Variants in TEX11 observed in about 807,000 individuals in gnomAD.
TEX11 encodes testis-expressed protein 11.
Under a neutral mutation model 84.4 loss-of-function variants are expected in TEX11, and 7 were observed. The observed-to-expected ratio is 0.08, with a 90% confidence interval of 0.05 to 0.16. TEX11 has a LOEUF of 0.16. TEX11 is among the 10% of genes least tolerant of loss of function. The pLI, the probability that TEX11 is intolerant of heterozygous loss-of-function variation, is 1.00. For synonymous variants in TEX11, 264 were observed against 222.8 expected (o/e 1.18, Z -1.64); for missense variants, 551 against 660.5 (o/e 0.83, Z 1.82).
At chrX:70,826,616 C>A (rs2091348117) in intron 8 of TEX11, among the ~76,000 whole-genome samples, 1 of 111,975 alleles carries the variant, frequency 8.9e-6, no homozygotes, top group African/African-American at 3.2e-5. Flanking sequence ...AAGAGCACAG[C>A]AGCTGGGGAA....
intron 13 of TEX11, among the ~76,000 whole-genome samples, chrX:70,695,698 G>A (rs1400702458): frequency 8.9e-6 from 1 of 111,734 alleles, no homozygotes; most frequent in Non-Finnish European, 1.9e-5. Flanking sequence ...AATTGCTAGA[G>A]GTGGGTGGGA....
At chrX:70,875,984 G>A (rs1202751669) in intron 3 of TEX11, among the ~76,000 whole-genome samples, 1 of 111,750 alleles carries the variant, frequency 8.9e-6, no homozygotes, top group African/African-American at 3.2e-5. Context: ...GAAGTGTACT[G>A]TTGTCAGCAA....
intron 10 of TEX11, among the ~76,000 whole-genome samples, chrX:70,743,790 C>G (rs1487081307): frequency 2.8e-5 from 3 of 107,661 alleles, no homozygotes; most frequent in Non-Finnish European, 5.8e-5. Context: ...GCACCAGAAT[C>G]GCTTGAACCT....
Position 70,542,120 on chromosome X carries a change from T to C in TEX11, c.2520+10006A>G, listed in dbSNP as rs375389071. On this transcript the variant is annotated intron_variant, in intron 28 of 29. Transcript: ENST00000374333. ...TTTGTGTCCCTTCAAAATTAGTATG[T>C]TAAAATCCTAACCTCCAAGGTGATG... Among the ~76,000 whole-genome samples the C allele has an allele frequency of 3.6e-5, 4 of 111,371 alleles. No homozygotes were observed. The East Asian group carries it at 1.1e-3, about 31-fold the overall frequency.
At chrX:70,820,840 G>A (rs933764359) in intron 8 of TEX11, among the ~76,000 whole-genome samples, 8 of 111,713 alleles carry the variant, frequency 7.2e-5, no homozygotes, top group African/African-American at 2.3e-4. Flanking sequence ...GCTTCAACAT[G>A]AGATTCTGAG....
chrX:70,553,265 G>C lies in TEX11; in HGVS notation c.2399+41C>G, dbSNP rs369831200. ...GGTTACTTTTGAGGCATTGACTATAGTTCTTTTGGCTAGCAAAAAGGCTGG... is the reference window on the plus strand; with the variant it reads ...GGTTACTTTTGAGGCATTGACTATACTTCTTTTGGCTAGCAAAAAGGCTGG... On this transcript the variant is annotated intron_variant, in intron 27 of 29. Transcript: ENST00000374333. 3 of 964,422 alleles carry C rather than the reference G, an allele frequency of 3.1e-6. No homozygotes were observed. In the African/African-American group the frequency reaches 5.8e-5, roughly 19 times the overall value. The allele number at this position is 964,422 out of a possible 1,213,427, so 79.5% of individuals were successfully genotyped here. A position where few individuals can be genotyped will look rare whatever the true frequency, so the allele number is the denominator to read the frequency against.
At chrX:70,855,453 C>G (rs2091530818) in intron 5 of TEX11, among the ~76,000 whole-genome samples, 1 of 109,736 alleles carries the variant, frequency 9.1e-6, no homozygotes, top group African/African-American at 3.3e-5. Flanking sequence ...GTAGCCCCAG[C>G]TCCTCAGGAG....
intron 13 of TEX11, among the ~76,000 whole-genome samples, chrX:70,713,498 C>T (rs2090461692): frequency 8.9e-6 from 1 of 112,006 alleles, no homozygotes; most frequent in Admixed American, 9.5e-5. Flanking sequence ...AGAGATTCAA[C>T]TTCTTCCTGG....
At chrX:70,868,072 C>T (rs1038902282) in intron 4 of TEX11, among the ~76,000 whole-genome samples, 2 of 111,594 alleles carry the variant, frequency 1.8e-5, no homozygotes, top group African/African-American at 6.5e-5. Context: ...AAGAAACTAT[C>T]GTCAGGGTGA....
intron 9 of TEX11, among the ~76,000 whole-genome samples, chrX:70,788,685 A>AACACACAC (rs753573687): frequency 0.021 from 1,485 of 69,401 alleles, 28 homozygotes; most frequent in African/African-American, 0.044. Context: ...TCTCTTGGGA[A>AACACACAC]ACACACACAC....
At chrX:70,689,619 A>G (rs1346522765) in intron 13 of TEX11, among the ~76,000 whole-genome samples, 1 of 112,032 alleles carries the variant, frequency 8.9e-6, no homozygotes, top group Non-Finnish European at 1.9e-5. Context: ...AAGCTAAAAC[A>G]ATCTGAACAA....
At chrX:70,730,798 C>T (rs111483909) in intron 11 of TEX11, among the ~76,000 whole-genome samples, 2,886 of 111,051 alleles carry the variant, frequency 0.026, 85 homozygotes, top group African/African-American at 0.09. Context: ...CTGCACCAAG[C>T]GGACCTAATA....
intron 25 of TEX11, among the ~76,000 whole-genome samples, chrX:70,591,271 A>G (rs1281073876): frequency 9.0e-6 from 1 of 111,165 alleles, no homozygotes; most frequent in Non-Finnish European, 1.9e-5. Flanking sequence ...TTACAGAGTC[A>G]ATACTGATAT....
intron 28 of TEX11, among the ~76,000 whole-genome samples, chrX:70,542,418 T>C (rs1415627566): frequency 9.0e-6 from 1 of 111,727 alleles, no homozygotes; most frequent in East Asian, 2.8e-4. Context: ...ATTTTTGTTA[T>C]AGCAGCCCGA....
At chrX:70,891,280 A>G (rs1196672579) in intron 2 of TEX11, among the ~76,000 whole-genome samples, 1 of 112,151 alleles carries the variant, frequency 8.9e-6, no homozygotes, top group Non-Finnish European at 1.9e-5. Flanking sequence ...GGGAGAAACC[A>G]GAGCAGACAA....
At chrX:70,542,306 T>C (rs1186778243) in intron 28 of TEX11, among the ~76,000 whole-genome samples, 2 of 111,247 alleles carry the variant, frequency 1.8e-5, no homozygotes, top group African/African-American at 3.3e-5. Context: ...AAGCAGACCC[T>C]CACTGGACAC....
chrX:70,870,971 G>T (rs944698123), intron 4 of TEX11, among the ~76,000 whole-genome samples: 1 of 111,827 alleles, frequency 8.9e-6, no homozygotes, highest in Non-Finnish European at 1.9e-5. Flanking sequence ...GGAGTGCAAT[G>T]GTGCGATCTC....
chrX:70,682,452 G>C (rs2090154991), intron 14 of TEX11, among the ~76,000 whole-genome samples: 1 of 111,499 alleles, frequency 9.0e-6, no homozygotes, highest in South Asian at 3.8e-4. Context: ...AAGTTTGTCT[G>C]TTTTCAATGA....
chrX:70,553,508 G>A, intron 26 of TEX11, 94 bp from the exon 27 acceptor site: 1 of 477,367 alleles, frequency 2.1e-6, no homozygotes, highest in Non-Finnish European at 3.4e-6. Context: ...TAATGAAACT[G>A]GGCTGAAACA....
Sources: allele counts gnomAD v4.1 joint callset (sites outside exome capture counted in the v4.1 genomes callset), GRCh38; gene constraint gnomAD v4.1.1; transcripts MANE v1.5; gene names NCBI Gene and HGNC (gene_info 2026-07-23, HGNC 2026-07-21).